The following ZC3H12B variants were observed in gnomAD, a reference collection of about 807,000 sequenced individuals.
ZC3H12B encodes probable ribonuclease ZC3H12B.
Under a neutral mutation model 43.9 loss-of-function variants are expected in ZC3H12B, and 7 were observed. That is an observed-to-expected ratio of 0.16 (90% CI 0.09 to 0.30). The LOEUF is 0.30. Ranked by LOEUF, ZC3H12B falls within the 10% of genes least tolerant of loss-of-function variation. The pLI, the probability that ZC3H12B is intolerant of heterozygous loss-of-function variation, is 1.00. For synonymous variants in ZC3H12B, 222 were observed against 241.7 expected, an observed-to-expected ratio of 0.92 and a Z score of 0.76; for missense variants, 475 against 670.2, an observed-to-expected ratio of 0.71 and a Z score of 3.22.
intron 3 of ZC3H12B, among the ~76,000 whole-genome samples, chrX:65,453,872 G>A (rs999154132): frequency 1.3e-4 from 15 of 111,965 alleles, no homozygotes; most frequent in African/African-American, 4.9e-4. Flanking sequence ...CTATAACGAT[G>A]CAAAGGCATA....
At chrX:65,333,479 A>G in the ZC3H12B span, among the ~76,000 whole-genome samples, 2 of 112,202 alleles carry the variant, frequency 1.8e-5, no homozygotes, top group Non-Finnish European at 3.8e-5. Flanking sequence ...AAAGCTGTAT[A>G]TAGCTCTCCA....
the ZC3H12B span, among the ~76,000 whole-genome samples, chrX:65,251,750 G>A: frequency 2.7e-5 from 3 of 111,367 alleles, no homozygotes; most frequent in Non-Finnish European, 5.6e-5. Flanking sequence ...TGTTATTGGT[G>A]TATAAGAATG....
At chrX:65,049,670 A>G in the ZC3H12B span, among the ~76,000 whole-genome samples, 4 of 111,426 alleles carry the variant, frequency 3.6e-5, no homozygotes, top group African/African-American at 1.3e-4. Context: ...TTGTGGATCT[A>G]TGTGAATTTT....
chrX:65,225,172 A>T, the ZC3H12B span, among the ~76,000 whole-genome samples: 1 of 111,655 alleles, frequency 9.0e-6, no homozygotes, highest in African/African-American at 3.3e-5. Flanking sequence ...CTCCTCTGAG[A>T]CAAAACTTCC....
the ZC3H12B span, among the ~76,000 whole-genome samples, chrX:65,306,412 G>A: frequency 6.3e-5 from 7 of 111,356 alleles, no homozygotes; most frequent in Non-Finnish European, 1.3e-4. Flanking sequence ...TTGCTCTGTC[G>A]TCCAGTCTGG....
chrX:65,242,739 G>A, the ZC3H12B span, among the ~76,000 whole-genome samples: 1 of 111,937 alleles, frequency 8.9e-6, no homozygotes, highest in Non-Finnish European at 1.9e-5. Context: ...TACTACAAAG[G>A]TATAGTACCC....
intron 3 of ZC3H12B, among the ~76,000 whole-genome samples, chrX:65,446,932 A>C (rs2067385404): frequency 9.0e-6 from 1 of 110,759 alleles, no homozygotes; most frequent in South Asian, 3.8e-4. Context: ...CAGCCATTTT[A>C]CTCTGTCTTC....
intron 2 of ZC3H12B, among the ~76,000 whole-genome samples, chrX:65,383,362 C>T (rs1381465646): frequency 4.5e-5 from 5 of 111,944 alleles, no homozygotes; most frequent in African/African-American, 1.6e-4. Context: ...AAAGGATTCC[C>T]TATTTAATAA....
the ZC3H12B span, among the ~76,000 whole-genome samples, chrX:65,061,531 G>T: frequency 8.9e-6 from 1 of 112,342 alleles, no homozygotes; most frequent in East Asian, 2.8e-4. Flanking sequence ...ATTCCATGGT[G>T]TGTATGTGCT....
chrX:65,043,471 A>C, the ZC3H12B span, among the ~76,000 whole-genome samples: 138 of 110,171 alleles, frequency 1.3e-3, 1 homozygote, highest in African/African-American at 4.4e-3. Flanking sequence ...ATAAATTTCT[A>C]TATATAATTA....
chrX:65,058,693 G>T, the ZC3H12B span, among the ~76,000 whole-genome samples: 4 of 111,990 alleles, frequency 3.6e-5, no homozygotes, highest in Non-Finnish European at 7.5e-5. Context: ...ACAGAGTCAG[G>T]CAGACCTCCT....
the ZC3H12B span, among the ~76,000 whole-genome samples, chrX:65,275,017 C>G: frequency 8.9e-6 from 1 of 112,209 alleles, no homozygotes; most frequent in African/African-American, 3.2e-5. Flanking sequence ...TATTCCATGA[C>G]TGAGAAACAA....
chrX:65,377,889 G>T (rs775533695), intron 2 of ZC3H12B, among the ~76,000 whole-genome samples: 4 of 110,913 alleles, frequency 3.6e-5, no homozygotes, highest in Non-Finnish European at 7.5e-5. Context: ...ACGAGGTCAG[G>T]AGATCAAGAC....
At chrX:65,376,119 A>T (rs771741464) in intron 2 of ZC3H12B, among the ~76,000 whole-genome samples, 1 of 112,054 alleles carries the variant, frequency 8.9e-6, no homozygotes, top group Admixed American at 9.4e-5. Context: ...CTAAAGATCC[A>T]TTGGGCATTA....
chrX:65,159,599 T>G, the ZC3H12B span, among the ~76,000 whole-genome samples: 2 of 112,187 alleles, frequency 1.8e-5, no homozygotes, highest in Admixed American at 1.9e-4. Context: ...TTGTGATATA[T>G]GTACATTGAT....
At chrX:65,387,498 T>A (rs1362622157) in intron 2 of ZC3H12B, among the ~76,000 whole-genome samples, 1 of 112,031 alleles carries the variant, frequency 8.9e-6, no homozygotes, top group Non-Finnish European at 1.9e-5. Flanking sequence ...GCTTGGTAGA[T>A]CTTCCTCCAT....
chrX:65,162,128 C>A, the ZC3H12B span, among the ~76,000 whole-genome samples: 1 of 111,719 alleles, frequency 9.0e-6, no homozygotes, highest in African/African-American at 3.2e-5. Flanking sequence ...GTTTCTGCCA[C>A]GAGATCAGCT....
chrX:65,455,985 C>T (rs57427553), intron 3 of ZC3H12B, among the ~76,000 whole-genome samples: 1 of 111,826 alleles, frequency 8.9e-6, no homozygotes, highest in African/African-American at 3.2e-5. Flanking sequence ...AAGCATTAAA[C>T]ATGGGAAGGA....
At chrX:65,497,022 G>A in intron 1 of ZC3H12B, 110 bp from the exon 7 acceptor site, 4 of 517,448 alleles carry the variant, frequency 7.7e-6, no homozygotes, top group South Asian at 1.0e-4. Context: ...AGAAAGAAAA[G>A]AATGTAAATG....
Sources: allele counts gnomAD v4.1 joint callset (sites outside exome capture counted in the v4.1 genomes callset), GRCh38; gene constraint gnomAD v4.1.1; transcripts MANE v1.5; gene names NCBI Gene and HGNC (gene_info 2026-07-23, HGNC 2026-07-21).